Variants in STAP2 observed in about 807,000 individuals in gnomAD.
The protein encoded by STAP2 is signal-transducing adaptor protein 2.
STAP2 carries 58 observed loss-of-function variants against 52.7 expected under a neutral mutation model. That is an observed-to-expected ratio of 1.10 (90% CI 0.89 to 1.37). The LOEUF (loss-of-function observed/expected upper bound fraction) is 1.37. Ranked by LOEUF, STAP2 falls within the 40% of genes most tolerant of loss-of-function variation. The pLI is 0.00. For missense variants in STAP2, 522 were observed against 519.4 expected, an observed-to-expected ratio of 1.00 and a Z score of -0.05; for synonymous variants, 231 against 210.5, an observed-to-expected ratio of 1.10 and a Z score of -0.84.
At chr19:4,338,568 G>GGGC in intron 1 of STAP2, 84 bp downstream of exon 1, 3 of 896,770 alleles carry the variant, frequency 3.3e-6, no homozygotes, top group Non-Finnish European at 3.2e-6. Flanking sequence ...CCCCCCCTTG[G>GGGC]CGAGTGGGGA....
In STAP2 at chr19:4,327,304, C is replaced by T. The variant is rs1301813489; in HGVS notation, c.660+12G>A. On this transcript the variant is annotated intron_variant, in intron 7 of 12. Coordinates refer to ENST00000594605, the MANE Select transcript of STAP2 (RefSeq NM_001013841.2). ...ACAAAGTCACTTCTAGGGACTCTGG[C>T]CCAACGCTCACCGGCTGTTCCACAT... The T allele has an allele frequency of 9.9e-6, 16 of 1,614,146 alleles. No homozygotes were observed. The highest frequency in any genetic ancestry group is 1.3e-5 in the Non-Finnish European group (15 of 1,180,000).
chr19:4,325,463 C>G lies in STAP2; in HGVS notation c.912G>C (p.Pro304=). The change falls in exon 10 of 13, where the codon CCG becomes CCC. Residue 304 remains proline, a synonymous_variant. Coordinates refer to ENST00000594605, the MANE Select transcript of STAP2 (RefSeq NM_001013841.2). ...QDKLPPLPPL[P]NQEENYVTPI... ...GGGTCACGTAGTTCTCTTCCTGGTT[C>G]GGTAGTGGGGGCAGTGGGGGCAGCT... is the stretch of plus-strand genomic sequence containing the variant. 6.2e-7 allele frequency: 1 copy of G among 1,613,904 alleles called. No homozygotes were observed. Among genetic ancestry groups the G allele is most frequent in the Non-Finnish European group, 8.5e-7 (1 of 1,179,936 alleles).
Position 4,329,119 on chromosome 19 carries a change from C to G in STAP2, c.456-310G>C, listed in dbSNP as rs544571681. 8.7e-6 allele frequency: 3 copies of G among 343,510 alleles called. No individual in the cohort carries two copies. The South Asian group carries it at 1.2e-4, about 14-fold the overall frequency. The allele number at this position is 343,510 out of a possible 1,614,324, so 21.3% of individuals were successfully genotyped here. ...GGGTTCAAGCGATTCCCCTTCCTCA[C>G]AGGCCCGGCTAATTTTTGTATTTTT... On this transcript the variant is annotated intron_variant, in intron 5 of 12. Transcript: ENST00000594605.
In STAP2 at chr19:4,327,019, A is replaced by C. The variant is rs757690106; in HGVS notation, c.764-12T>G. ...GGCTTCCACGTAGCCTGGAACAGAG[A>C]GGGCGGCCTGGAGGAAGCGCGGCGG... On this transcript the variant is annotated splice_polypyrimidine_tract_variant and intron_variant, in intron 8 of 12. Coordinates refer to ENST00000594605, the MANE Select transcript of STAP2 (RefSeq NM_001013841.2). The C allele has an allele frequency of 8.9e-6, 14 of 1,573,112 alleles. No individual in the cohort carries two copies. Among genetic ancestry groups the C allele is most frequent in the Non-Finnish European group, 1.1e-5 (13 of 1,158,134 alleles).
At chr19:4,328,630 T>TGCCC in intron 6 of STAP2, 45 bp downstream of exon 6, 1 of 1,541,500 alleles carries the variant, frequency 6.5e-7, no homozygotes, top group Non-Finnish European at 8.8e-7. Flanking sequence ...CCCACCCTCT[T>TGCCC]CCCACCCTCC....
Position 4,324,064 on chromosome 19 carries a change from C to A in STAP2, c.*69G>T, listed in dbSNP as rs1184786123. 2 of 1,505,206 alleles carry A rather than the reference C, an allele frequency of 1.3e-6. No individual in the cohort carries two copies. Among genetic ancestry groups the A allele is most frequent in the Middle Eastern group, 1.7e-4 (1 of 5,910 alleles). The allele number at this position is 1,505,206 out of a possible 1,614,324, so 93.2% of individuals were successfully genotyped here. Reference sequence around the variant, plus strand: ...TGGGTCCTGGGGTCAGAGTTTTAATCCTGGGAAAAAGAATCTGGCCGCTGG... The same window carrying A: ...TGGGTCCTGGGGTCAGAGTTTTAATACTGGGAAAAAGAATCTGGCCGCTGG... On this transcript the variant is annotated 3_prime_UTR_variant, in exon 13 of 13. Coordinates refer to ENST00000594605, the MANE Select transcript of STAP2 (RefSeq NM_001013841.2).
intron 3 of STAP2, among the ~76,000 whole-genome samples, chr19:4,333,174 G>A (rs1971921222): frequency 6.6e-6 from 1 of 151,568 alleles, no homozygotes; most frequent in Non-Finnish European, 1.5e-5. Flanking sequence ...TGGGTGATAA[G>A]AGCGAAACTC....
intron 12 of STAP2, 83 bp from the exon 13 acceptor site, chr19:4,324,280 C>T: frequency 2.7e-6 from 4 of 1,454,778 alleles, no homozygotes; most frequent in Non-Finnish European, 3.8e-6. Flanking sequence ...CCAGGACCAG[C>T]TACAGATTTG....
chr19:4,325,632 A>G, intron 9 of STAP2, 87 bp from the exon 10 acceptor site: 2 of 1,398,128 alleles, frequency 1.4e-6, no homozygotes, highest in Non-Finnish European at 1.9e-6. Flanking sequence ...GCATGCCTGG[A>G]GACAGGCATG....
chr19:4,325,685 T>A (rs900538106), intron 9 of STAP2, 140 bp from the exon 10 acceptor site: 2 of 1,120,582 alleles, frequency 1.8e-6, no homozygotes, highest in Non-Finnish European at 2.5e-6. Context: ...TAAGTCTGTG[T>A]CTGGGCCGGG....
rs1178224045 is a variant in STAP2, at chr19:4,325,225, G to T, written c.1063C>A (p.Pro355Thr). The T allele has an allele frequency of 6.3e-7, 1 of 1,589,132 alleles. No individual in the cohort carries two copies. The highest frequency in any genetic ancestry group is 1.1e-5 in the South Asian group (1 of 88,106). ...PAKLPKPPVG[P>T]KPEPKVFNGG... The stretch of plus-strand genomic sequence containing the variant: ...TGGGGGGGACCCCAACCTGGCTTGG[G>T]TCCAACGGGTGGCTTTGGAAGCTTG... The change falls in exon 11 of 13, where the codon CCC becomes ACC. Residue 355 changes from proline (P) to threonine (T), a missense_variant. Transcript: ENST00000594605.
chr19:4,327,063 G>A lies in STAP2; in HGVS notation c.764-56C>T, dbSNP rs1971805003. The A allele has an allele frequency of 3.7e-6, 6 of 1,606,388 alleles. No homozygotes were observed. The South Asian group carries it at 4.4e-5, about 12-fold the overall frequency. ...GCGGCGGCCAGGGGCGGCCCGGTCC[G>A]TCCGAGCGGGGGCGGGAGAGGTGAG... On this transcript the variant is annotated intron_variant, in intron 8 of 12. Coordinates refer to ENST00000594605, the MANE Select transcript of STAP2 (RefSeq NM_001013841.2).
At chr19:4,338,587 CTCAGAGA>C in intron 1 of STAP2, 58 bp downstream of exon 1, 1 of 1,179,230 alleles carries the variant, frequency 8.5e-7, no homozygotes. Flanking sequence ...GAGACAGGGA[CTCAGAGA>C]GGTGCCGCAG....
chr19:4,327,392 C>T lies in STAP2; in HGVS notation c.591-7G>A. 1 of 1,614,066 alleles carries T rather than the reference C, an allele frequency of 6.2e-7. No individual in the cohort carries two copies. ...ATGCCGGACCACGTGCGTCCTGCAC[C>T]AGGAGAAAGCGAGTGAGTGGCTCAG... On this transcript the variant is annotated splice_polypyrimidine_tract_variant and splice_region_variant and intron_variant, in intron 6 of 12. Coordinates refer to ENST00000594605, the MANE Select transcript of STAP2 (RefSeq NM_001013841.2).
chr19:4,324,130 G>A lies in STAP2; in HGVS notation c.*3C>T, dbSNP rs1037516563. On this transcript the variant is annotated 3_prime_UTR_variant, in exon 13 of 13. Transcript: ENST00000594605. ...TAGCCCGCTGGTCCCTGGTGTGTCC[G>A]AATCAGTGCTCCAGTGCCCGCCTCT... 3.0e-5 allele frequency: 47 copies of A among 1,551,298 alleles called. No individual in the cohort carries two copies. In the East Asian group the frequency reaches 6.8e-4, roughly 23 times the overall value.
In STAP2 at chr19:4,336,424, TCTC is replaced by T. The variant is rs1971981955; in HGVS notation, c.102+2225_102+2227del. Among the ~76,000 whole-genome samples the T allele has an allele frequency of 4.7e-5, 7 of 147,388 alleles. No individual in the cohort carries two copies. In the South Asian group the frequency reaches 1.5e-3, roughly 32 times the overall value. ...ACCCCCCCGCCCCAGTTCAAGCAAT[TCTC>T]CTGCCTCAGCCTCCCGAGTAGCTGG... is the stretch of plus-strand genomic sequence containing the variant. On this transcript the variant is annotated intron_variant, in intron 1 of 12. Coordinates refer to ENST00000594605, the MANE Select transcript of STAP2 (RefSeq NM_001013841.2).
intron 1 of STAP2, among the ~76,000 whole-genome samples, chr19:4,338,418 C>T (rs571650527): frequency 6.6e-6 from 1 of 152,266 alleles, no homozygotes; most frequent in South Asian, 2.1e-4. Context: ...GAGAGACAGA[C>T]GGGGCCAGGG....
intron 3 of STAP2, 85 bp downstream of exon 3, chr19:4,333,609 T>A: frequency 6.6e-7 from 1 of 1,504,910 alleles, no homozygotes; most frequent in Non-Finnish European, 8.8e-7. Context: ...ACCTGCCCCT[T>A]CGTGGTTGGC....
chr19:4,336,779 G>A (rs1313776519), intron 1 of STAP2, among the ~76,000 whole-genome samples: 3 of 151,630 alleles, frequency 2.0e-5, no homozygotes, highest in Admixed American at 6.6e-5. Flanking sequence ...GGATTAAGGC[G>A]CCTGGCACCA....
Sources: gnomAD v4.1 joint callset for allele counts (sites outside exome capture counted in the v4.1 genomes callset) on GRCh38, gnomAD v4.1.1 for gene constraint, MANE v1.5 for transcripts, NCBI Gene and HGNC (gene_info 2026-07-23, HGNC 2026-07-21) for gene names.